The following NOVA1 variants were observed in gnomAD, a reference collection of about 807,000 sequenced individuals.
NOVA1 encodes NOVA alternative splicing regulator 1, also known as RNA-binding protein Nova-1.
NOVA1 carries 7 observed loss-of-function variants against 38.0 expected under a neutral mutation model. That is an observed-to-expected ratio of 0.18 (90% CI 0.10 to 0.35). The LOEUF is 0.35. NOVA1 is among the 10% of genes least tolerant of loss of function. The probability of loss-of-function intolerance (pLI) is 1.00; values close to 1 mark genes in which losing one functional copy is unlikely to be tolerated. For missense variants in NOVA1, 460 were observed against 616.0 expected (o/e 0.75, Z 2.68); for synonymous variants, 270 against 232.5 (o/e 1.16, Z -1.47).
chr14:26,499,226 G>T (rs1266950148), intron 2 of NOVA1, among the ~76,000 whole-genome samples: 2 of 152,012 alleles, frequency 1.3e-5, no homozygotes, highest in Admixed American at 1.3e-4. Context: ...ATGTTAATTT[G>T]CTCTATTATA....
intron 2 of NOVA1, among the ~76,000 whole-genome samples, chr14:26,481,321 T>G (rs190593155): frequency 6.6e-6 from 1 of 152,182 alleles, no homozygotes; most frequent in East Asian, 1.9e-4. Context: ...GTAAAATGTT[T>G]TAAAATACAT....
At chr14:26,451,351 A>G (rs969731778) in intron 4 of NOVA1, among the ~76,000 whole-genome samples, 1 of 151,966 alleles carries the variant, frequency 6.6e-6, no homozygotes, top group South Asian at 2.1e-4. Context: ...AATACTCAAC[A>G]TTTTATTTTT....
intron 3 of NOVA1, among the ~76,000 whole-genome samples, chr14:26,476,696 C>T (rs981649782): frequency 6.6e-6 from 1 of 151,782 alleles, no homozygotes; most frequent in Non-Finnish European, 1.5e-5. Flanking sequence ...TTCTTTTACA[C>T]GCCTCTGAAT....
chr14:26,596,952 CG>C, intron 1 of NOVA1: 6 of 1,206,170 alleles, frequency 5.0e-6, no homozygotes, highest in Non-Finnish European at 6.2e-6. Context: ...CACCTCACTC[CG>C]GGGTCATCCT....
intron 2 of NOVA1, among the ~76,000 whole-genome samples, chr14:26,528,686 G>A (rs926169540): frequency 3.9e-5 from 6 of 152,084 alleles, no homozygotes; most frequent in African/African-American, 1.4e-4. Context: ...GACCAATGAA[G>A]AATCTTAATC....
intron 4 of NOVA1, among the ~76,000 whole-genome samples, chr14:26,449,368 A>T (rs1882424386): frequency 1.3e-5 from 2 of 152,182 alleles, no homozygotes; most frequent in African/African-American, 4.8e-5. Context: ...GTTCTAAAAC[A>T]TTTAAAAAAC....
intron 2 of NOVA1, among the ~76,000 whole-genome samples, chr14:26,509,552 G>C (rs1170900394): frequency 6.6e-6 from 1 of 152,170 alleles, no homozygotes; most frequent in Non-Finnish European, 1.5e-5. Context: ...AGATTTTATA[G>C]ATAAAATTTA....
Position 26,597,331 on chromosome 14 carries a change from C to T in NOVA1, c.106G>A (p.Ala36Thr). Reference protein sequence around the residue: ...RKRPLEAPPEAGSTKRTNTGE... With the variant: ...RKRPLEAPPETGSTKRTNTGE... ...GTATTGGTCCTCTTGGTGCTGCCGG[C>T]TTCAGGGGGGGCTTCCAGCGGCCTT... Residue 36 changes from alanine (A) to threonine (T), a missense_variant, in exon 1 of 5, where the codon GCC becomes ACC. By Grantham distance (58) the Ala-to-Thr change is moderately conservative (BLOSUM62 0). Coordinates refer to ENST00000539517, the MANE Select transcript of NOVA1 (RefSeq NM_002515.3). 3 of 1,258,948 alleles carry T rather than the reference C, an allele frequency of 2.4e-6. No homozygotes were observed. Among genetic ancestry groups the T allele is most frequent in the Non-Finnish European group, 3.0e-6 (3 of 993,848 alleles). 78.0% of individuals were successfully genotyped at this position (1,258,948 alleles called of 1,614,324 possible).
intron 2 of NOVA1, among the ~76,000 whole-genome samples, chr14:26,583,605 T>G (rs1893346645): frequency 6.6e-6 from 1 of 151,532 alleles, no homozygotes; most frequent in African/African-American, 2.4e-5. Context: ...AGATAGATTT[T>G]TAATCTCATT....
chr14:26,510,902 T>C (rs1010842951), intron 2 of NOVA1, among the ~76,000 whole-genome samples: 1 of 152,202 alleles, frequency 6.6e-6, no homozygotes. Flanking sequence ...ATAATATTTC[T>C]CATTGGTGGA....
chr14:26,476,090 T>C (rs1189209338), intron 3 of NOVA1, among the ~76,000 whole-genome samples: 1 of 152,216 alleles, frequency 6.6e-6, no homozygotes, highest in Non-Finnish European at 1.5e-5. Flanking sequence ...TACTGTAACA[T>C]TTGTATACAT....
intron 3 of NOVA1, among the ~76,000 whole-genome samples, chr14:26,472,761 C>T (rs1462330783): frequency 6.6e-6 from 1 of 150,876 alleles, no homozygotes; most frequent in African/African-American, 2.4e-5. Flanking sequence ...ATGAATAAAA[C>T]CAAAAGAGTC....
At chr14:26,457,249 TGGCTACTACGTGCCA>T (rs1883260324) in intron 4 of NOVA1, among the ~76,000 whole-genome samples, 1 of 152,106 alleles carries the variant, frequency 6.6e-6, no homozygotes, top group South Asian at 2.1e-4. Context: ...ATTTATTGAG[TGGCTACTACGTGCCA>T]GGTATAATTC....
At chr14:26,464,526 G>T (rs1450257262) in intron 4 of NOVA1, among the ~76,000 whole-genome samples, 1 of 152,106 alleles carries the variant, frequency 6.6e-6, no homozygotes, top group East Asian at 1.9e-4. Flanking sequence ...ATCTATTTCA[G>T]AAATATCTAT....
chr14:26,476,997 G>C (rs1885037716), intron 3 of NOVA1, among the ~76,000 whole-genome samples: 1 of 148,166 alleles, frequency 6.7e-6, no homozygotes, highest in African/African-American at 2.6e-5. Flanking sequence ...TTACAGGCGT[G>C]AGCCACAGTG....
At chr14:26,513,507 T>C (rs1888243343) in intron 2 of NOVA1, among the ~76,000 whole-genome samples, 1 of 151,904 alleles carries the variant, frequency 6.6e-6, no homozygotes, top group East Asian at 1.9e-4. Context: ...AGAGAAAATC[T>C]GCTGTCATGG....
rs371338432 is a variant in NOVA1 at position 26,478,125 on chromosome 14, A to G, written c.447+1852T>C. Reference sequence around the variant, plus strand: ...TTTTATACTTATCTTGAAGTTAAATAACATCCAAAAAGGCAAATAAAAATA... The same window carrying G: ...TTTTATACTTATCTTGAAGTTAAATGACATCCAAAAAGGCAAATAAAAATA... On this transcript the variant is annotated intron_variant, in intron 3 of 4. Transcript: ENST00000539517. 2.6e-4 allele frequency among the ~76,000 whole-genome samples: 39 copies of G among 152,082 alleles called. No individual in the cohort carries two copies. In the East Asian group the frequency reaches 3.3e-3, roughly 13 times the overall value.
chr14:26,474,873 C>T (rs1884854650), intron 3 of NOVA1, among the ~76,000 whole-genome samples: 1 of 151,766 alleles, frequency 6.6e-6, no homozygotes, highest in Non-Finnish European at 1.5e-5. Flanking sequence ...AGCTATTATT[C>T]ATATAAATAC....
chr14:26,583,572 T>C (rs1294314754), intron 2 of NOVA1, among the ~76,000 whole-genome samples: 1 of 151,556 alleles, frequency 6.6e-6, no homozygotes, highest in African/African-American at 2.4e-5. Context: ...AGCCAATAAT[T>C]GCACAAATCA....
Sources: allele counts gnomAD v4.1 joint callset (sites outside exome capture counted in the v4.1 genomes callset), GRCh38; gene constraint gnomAD v4.1.1; transcripts MANE v1.5; gene names NCBI Gene and HGNC (gene_info 2026-07-23, HGNC 2026-07-21).